The following SYNRG variants were observed in gnomAD, a reference collection of about 807,000 sequenced individuals.
The protein encoded by SYNRG is synergin gamma, also known as AP1 gamma subunit binding protein 1.
SYNRG carries 37 observed loss-of-function variants against 130.9 expected under a neutral mutation model. The observed-to-expected ratio is 0.28, with a 90% confidence interval of 0.22 to 0.37. SYNRG has a LOEUF of 0.37. Ranked by LOEUF, SYNRG falls within the 10% of genes least tolerant of loss-of-function variation. SYNRG has a pLI of 1.00. For synonymous variants in SYNRG, 539 were observed against 568.1 expected, an observed-to-expected ratio of 0.95 and a Z score of 0.73; for missense variants, 1,338 against 1,588.9, an observed-to-expected ratio of 0.84 and a Z score of 2.68.
intron 6 of SYNRG, among the ~76,000 whole-genome samples, chr17:37,578,455 G>A (rs2061029167): frequency 6.6e-6 from 1 of 152,198 alleles, no homozygotes; most frequent in Non-Finnish European, 1.5e-5. Flanking sequence ...AGAATTCTAT[G>A]AGACAGTAGG....
intron 8 of SYNRG, among the ~76,000 whole-genome samples, chr17:37,572,888 G>A (rs1234013694): frequency 6.6e-6 from 1 of 152,150 alleles, no homozygotes; most frequent in African/African-American, 2.4e-5. Context: ...AATAAAGAAT[G>A]CCAATATTGC....
chr17:37,570,630 C>A lies in SYNRG; in HGVS notation c.1347+7G>T, dbSNP rs750712287. The A allele has an allele frequency of 6.2e-7, 1 of 1,607,912 alleles. No individual in the cohort carries two copies. The highest frequency in any genetic ancestry group is 8.5e-7 in the Non-Finnish European group (1 of 1,177,154). Reference sequence around the variant, plus strand: ...TTATCTGAAATATGCACAGCTTCGCCATTTACCTGATTTGCAGGGTAGGTT... The same window carrying A: ...TTATCTGAAATATGCACAGCTTCGCAATTTACCTGATTTGCAGGGTAGGTT... On this transcript the variant is annotated splice_region_variant and intron_variant, in intron 10 of 21. Transcript: ENST00000612223.
chr17:37,551,103 C>T (rs2058676719), intron 14 of SYNRG, among the ~76,000 whole-genome samples: 1 of 152,182 alleles, frequency 6.6e-6, no homozygotes, highest in African/African-American at 2.4e-5. Flanking sequence ...CCGCAGATAG[C>T]AATCTACCAG....
At chr17:37,589,477 G>A (rs1016678038) in intron 3 of SYNRG, among the ~76,000 whole-genome samples, 7 of 152,234 alleles carry the variant, frequency 4.6e-5, no homozygotes, top group Non-Finnish European at 5.9e-5. Flanking sequence ...AGGGCCGGGC[G>A]CGGTGGCTCA....
intron 9 of SYNRG, among the ~76,000 whole-genome samples, chr17:37,571,409 C>T (rs1224950885): frequency 2.6e-5 from 4 of 151,972 alleles, no homozygotes; most frequent in Non-Finnish European, 5.9e-5. Flanking sequence ...TGGTAAAACC[C>T]CATCTCTACT....
intron 3 of SYNRG, 32 bp from the exon 4 acceptor site, chr17:37,586,581 C>T: frequency 1.2e-6 from 2 of 1,610,874 alleles, no homozygotes; most frequent in Non-Finnish European, 1.7e-6. Context: ...TTAAAAAACA[C>T]AATTTATCCC....
intron 19 of SYNRG, among the ~76,000 whole-genome samples, chr17:37,534,023 T>C (rs1445487148): frequency 7.3e-6 from 1 of 137,768 alleles, no homozygotes; most frequent in Non-Finnish European, 1.5e-5. Context: ...CAACCTCCAT[T>C]TCCCGGGTTC....
intron 17 of SYNRG, 133 bp downstream of exon 17, chr17:37,539,059 A>G: frequency 6.7e-7 from 1 of 1,483,666 alleles, no homozygotes; most frequent in Non-Finnish European, 8.9e-7. Context: ...ACTTCCACAG[A>G]GTTACTCTTT....
At position 37,607,025 on chromosome 17, in the gene SYNRG, AT is replaced by A. The variant is rs562221319; in HGVS notation, c.77+2253del. Among the ~76,000 whole-genome samples, 83 of 152,344 alleles carry A rather than the reference AT, an allele frequency of 5.4e-4. No homozygotes were observed. In the South Asian group the frequency reaches 5.8e-3, roughly 11 times the overall value. ...TTTACACCATTACTCTCTAAAAAAA[AT>A]AATATTCCTTTTTCTATTGAGGATA... is the stretch of plus-strand genomic sequence containing the variant. On this transcript the variant is annotated intron_variant, in intron 1 of 21. Transcript: ENST00000612223.
In SYNRG at chr17:37,539,252, A is replaced by G. The variant is rs1051743813; in HGVS notation, c.3367-7T>C. 4 of 1,614,006 alleles carry G rather than the reference A, an allele frequency of 2.5e-6. No homozygotes were observed. In the African/African-American group the frequency reaches 5.3e-5, roughly 21 times the overall value. ...ATGCATATCTCTCATTTTCCTGTGA[A>G]TTTGTTAAAAAGAACTGGGTTAAAC... On this transcript the variant is annotated splice_region_variant and splice_polypyrimidine_tract_variant and intron_variant, in intron 16 of 21. Coordinates refer to ENST00000612223, the MANE Select transcript of SYNRG (RefSeq NM_007247.6).
chr17:37,565,853 A>G (rs1398655518), intron 11 of SYNRG, among the ~76,000 whole-genome samples: 3 of 147,362 alleles, frequency 2.0e-5, no homozygotes, highest in Non-Finnish European at 3.0e-5. Context: ...CCCGGCAGCC[A>G]CCCCATCTGG....
chr17:37,607,358 G>A (rs1269952545), intron 1 of SYNRG, among the ~76,000 whole-genome samples: 1 of 152,126 alleles, frequency 6.6e-6, no homozygotes, highest in African/African-American at 2.4e-5. Context: ...CATTTTTTAA[G>A]TAAATAAAAA....
At chr17:37,547,014 C>T (rs956726149) in intron 14 of SYNRG, among the ~76,000 whole-genome samples, 3 of 152,158 alleles carry the variant, frequency 2.0e-5, no homozygotes, top group African/African-American at 7.2e-5. Context: ...TCCTATAAGT[C>T]TCAAACACTG....
chr17:37,542,666 T>C, intron 14 of SYNRG, 101 bp from the exon 15 acceptor site: 1 of 850,946 alleles, frequency 1.2e-6, no homozygotes, highest in East Asian at 2.6e-5. Context: ...ATTAGTTTTA[T>C]ACTATGTTGA....
Position 37,585,503 on chromosome 17 carries a change from C to T in SYNRG, c.372-73G>A, listed in dbSNP as rs904556622. 9 of 1,033,068 alleles carry T rather than the reference C, an allele frequency of 8.7e-6. No individual in the cohort carries two copies. The African/African-American group carries it at 1.5e-4, about 17-fold the overall frequency. 64.0% of individuals were successfully genotyped at this position (1,033,068 alleles called of 1,614,324 possible). A position where few individuals can be genotyped will look rare whatever the true frequency, so the allele number is the denominator to read the frequency against. On this transcript the variant is annotated intron_variant, in intron 4 of 21. Coordinates refer to ENST00000612223, the MANE Select transcript of SYNRG (RefSeq NM_007247.6). ...CTGTGTTTTATATTCAGATTTCTAACAGTTTCAGCAATATCATGTTGCACT... is the reference window on the plus strand; with the variant it reads ...CTGTGTTTTATATTCAGATTTCTAATAGTTTCAGCAATATCATGTTGCACT...
chr17:37,518,888 C>A lies in SYNRG; in HGVS notation c.*52G>T, dbSNP rs369879856. The A allele has an allele frequency of 6.2e-7, 1 of 1,600,086 alleles. No homozygotes were observed. On this transcript the variant is annotated 3_prime_UTR_variant, in exon 22 of 22. Transcript: ENST00000612223. ...GCATTCTATTTATTGGTCCCTGTCA[C>A]CCCGTGGGGTGTCACAGAAAAAAAA...
At chr17:37,600,634 C>G (rs983445051) in intron 1 of SYNRG, 1 of 650,862 alleles carries the variant, frequency 1.5e-6, no homozygotes, top group East Asian at 2.8e-5. Flanking sequence ...TGAAATTAGT[C>G]CTGGCTCTGT....
chr17:37,543,315 C>T (rs986014004), intron 14 of SYNRG, among the ~76,000 whole-genome samples: 4 of 151,692 alleles, frequency 2.6e-5, no homozygotes, highest in African/African-American at 9.7e-5. Flanking sequence ...ATCTACTCCC[C>T]ATTTTTTAAA....
intron 14 of SYNRG, among the ~76,000 whole-genome samples, chr17:37,549,350 G>A (rs2058542573): frequency 6.6e-6 from 1 of 152,018 alleles, no homozygotes; most frequent in South Asian, 2.1e-4. Flanking sequence ...ACTCTAAAAT[G>A]GAGAAAATAT....
Sources: gnomAD v4.1 joint callset for allele counts (sites outside exome capture counted in the v4.1 genomes callset) on GRCh38, gnomAD v4.1.1 for gene constraint, MANE v1.5 for transcripts, NCBI Gene and HGNC (gene_info 2026-07-23, HGNC 2026-07-21) for gene names.